The following RIMS2 variants were observed in gnomAD, a reference collection of about 807,000 sequenced individuals.
RIMS2 encodes regulating synaptic membrane exocytosis 2.
Under a neutral mutation model 174.4 loss-of-function variants are expected in RIMS2, and 59 were observed. The ratio of observed to expected loss-of-function variants is 0.34; its 90% CI spans 0.27 to 0.42. The LOEUF is 0.42. Ranked by LOEUF, RIMS2 falls within the 10% of genes least tolerant of loss-of-function variation. The pLI is 1.00. For missense variants in RIMS2, 1,620 were observed against 1,666.3 expected (o/e 0.97, Z 0.48); for synonymous variants, 606 against 572.5 (o/e 1.06, Z -0.84).
chr8:103,803,317 T>C (rs891973499), intron 3 of RIMS2, among the ~76,000 whole-genome samples: 8 of 152,192 alleles, frequency 5.3e-5, no homozygotes, highest in East Asian at 1.9e-4. Context: ...ACTAGTGTTA[T>C]GTGTCAAATG....
rs142077322 is a variant in RIMS2 at position 103,779,134 on chromosome 8, A to G, written c.698+12597A>G. ...ACTGAGTTGTTTGAGCTCTTTATAT[A>G]TTCTGGTTATCAATTCCTTGCTACA... On this transcript the variant is annotated intron_variant, in intron 3 of 23. Transcript: ENST00000504942. Among the ~76,000 whole-genome samples the G allele has an allele frequency of 5.2e-4, 79 of 152,192 alleles. 1 individual carries two copies. The East Asian group carries it at 0.014, about 28-fold the overall frequency.
intron 19 of RIMS2, among the ~76,000 whole-genome samples, chr8:104,085,751 A>G (rs986891580): frequency 1.3e-5 from 2 of 152,194 alleles, no homozygotes; most frequent in South Asian, 2.1e-4. Flanking sequence ...GGAGTCAAAG[A>G]TAATTCACAA....
intron 19 of RIMS2, among the ~76,000 whole-genome samples, chr8:104,195,093 G>A (rs1359698342): frequency 6.6e-6 from 1 of 152,178 alleles, no homozygotes; most frequent in Non-Finnish European, 1.5e-5. Context: ...CTTCATGAAG[G>A]GTGAATTGGA....
chr8:103,544,842 C>T (rs1844251190), intron 1 of RIMS2, among the ~76,000 whole-genome samples: 1 of 152,194 alleles, frequency 6.6e-6, no homozygotes, highest in Middle Eastern at 3.4e-3. Context: ...CAGCTTATAC[C>T]ACAATCAAAC....
chr8:103,780,577 A>G (rs569782819), intron 3 of RIMS2, among the ~76,000 whole-genome samples: 37 of 152,000 alleles, frequency 2.4e-4, no homozygotes, highest in African/African-American at 8.7e-4. Context: ...CAGTTGCAAG[A>G]TTTTTGTTTT....
intron 19 of RIMS2, among the ~76,000 whole-genome samples, chr8:104,039,609 CT>C (rs1274587733): frequency 7.3e-5 from 11 of 151,690 alleles, no homozygotes; most frequent in African/African-American, 2.7e-4. Context: ...ATTTCATCCA[CT>C]TCATACCAAT....
chr8:103,645,860 A>G (rs995953311), intron 1 of RIMS2, among the ~76,000 whole-genome samples: 4 of 152,176 alleles, frequency 2.6e-5, no homozygotes, highest in African/African-American at 9.7e-5. Flanking sequence ...AATTTCATAC[A>G]CGTCCATGTG....
At chr8:103,538,895 C>T (rs1437192497) in intron 1 of RIMS2, among the ~76,000 whole-genome samples, 1 of 152,198 alleles carries the variant, frequency 6.6e-6, no homozygotes, top group African/African-American at 2.4e-5. Flanking sequence ...GTTTTCCATT[C>T]CTGAGTTACT....
At chr8:104,201,477 G>A (rs902635794) in intron 19 of RIMS2, among the ~76,000 whole-genome samples, 14 of 151,988 alleles carry the variant, frequency 9.2e-5, no homozygotes, top group Non-Finnish European at 1.2e-4. Flanking sequence ...ATGCATAATC[G>A]AGGAATGTAA....
At chr8:103,524,552 C>T (rs1321676518) in intron 1 of RIMS2, among the ~76,000 whole-genome samples, 1 of 152,148 alleles carries the variant, frequency 6.6e-6, no homozygotes, top group Non-Finnish European at 1.5e-5. Flanking sequence ...ACTACTGCTC[C>T]TAGGGCTGGC....
At chr8:103,603,672 T>G (rs1430123026) in intron 1 of RIMS2, among the ~76,000 whole-genome samples, 73 of 145,848 alleles carry the variant, frequency 5.0e-4, no homozygotes, top group African/African-American at 1.7e-3. Flanking sequence ...GTTTCCTGAC[T>G]TTTTAATGAT....
chr8:104,115,336 A>G (rs1277726906), intron 19 of RIMS2, among the ~76,000 whole-genome samples: 4 of 152,126 alleles, frequency 2.6e-5, no homozygotes, highest in Non-Finnish European at 5.9e-5. Context: ...GTATTTGCAT[A>G]CTTATAATGA....
intron 19 of RIMS2, among the ~76,000 whole-genome samples, 181 bp downstream of exon 23, chr8:104,068,793 C>G (rs570294122): frequency 1.2e-4 from 18 of 152,134 alleles, no homozygotes; most frequent in Non-Finnish European, 2.2e-4. Flanking sequence ...ATTTGCCTTA[C>G]TTAAAAAAAC....
chr8:103,615,680 T>G (rs531702529), intron 1 of RIMS2, among the ~76,000 whole-genome samples: 1 of 152,152 alleles, frequency 6.6e-6, no homozygotes, highest in South Asian at 2.1e-4. Flanking sequence ...TTAGAAATGA[T>G]GAAAGGAATG....
intron 22 of RIMS2, among the ~76,000 whole-genome samples, chr8:104,250,333 C>G (rs2441814): frequency 0.65 from 99,305 of 151,998 alleles, 33,048 homozygotes; most frequent in East Asian, 0.81. Context: ...TTGTAACTTT[C>G]ACTCTGAACT....
intron 17 of RIMS2, among the ~76,000 whole-genome samples, chr8:103,989,809 A>C (rs967506624): frequency 2.6e-5 from 4 of 152,210 alleles, no homozygotes; most frequent in Admixed American, 2.6e-4. Flanking sequence ...AGTCTTTTAC[A>C]TTCATCAGAG....
At chr8:103,787,405 G>T (rs1592348878) in intron 3 of RIMS2, among the ~76,000 whole-genome samples, 1 of 151,298 alleles carries the variant, frequency 6.6e-6, no homozygotes, top group South Asian at 2.1e-4. Context: ...TGCAGCAGCT[G>T]GTACCGGTTG....
chr8:103,980,738 A>C (rs1262261396), intron 16 of RIMS2, among the ~76,000 whole-genome samples: 4 of 152,050 alleles, frequency 2.6e-5, no homozygotes, highest in Non-Finnish European at 5.9e-5. Flanking sequence ...ATTTACCACA[A>C]ACTGACAGAG....
intron 1 of RIMS2, among the ~76,000 whole-genome samples, chr8:103,515,692 A>C (rs1005771475): frequency 6.6e-6 from 1 of 152,132 alleles, no homozygotes; most frequent in Non-Finnish European, 1.5e-5. Context: ...TATTACTTGA[A>C]TTTCAGATTT....
Sources: gnomAD v4.1 joint callset for allele counts (sites outside exome capture counted in the v4.1 genomes callset) on GRCh38, gnomAD v4.1.1 for gene constraint, MANE v1.5 for transcripts, NCBI Gene and HGNC (gene_info 2026-07-23, HGNC 2026-07-21) for gene names.